Variants in THSD7B observed in about 807,000 individuals in gnomAD.
THSD7B encodes thrombospondin type-1 domain-containing protein 7B.
THSD7B carries 138 observed loss-of-function variants against 213.6 expected under a neutral mutation model. That is an observed-to-expected ratio of 0.65 (90% CI 0.56 to 0.74). The LOEUF is 0.74. Ranked by LOEUF, THSD7B falls within the 30% of genes least tolerant of loss-of-function variation. The pLI, the probability that THSD7B is intolerant of heterozygous loss-of-function variation, is 0.00. For missense variants in THSD7B, 1,931 were observed against 1,991.5 expected (o/e 0.97, Z 0.58); for synonymous variants, 742 against 687.0 (o/e 1.08, Z -1.25).
intron 10 of THSD7B, among the ~76,000 whole-genome samples, chr2:137,260,533 C>T (rs868672523): frequency 3.9e-5 from 6 of 152,008 alleles, no homozygotes; most frequent in African/African-American, 9.7e-5. Context: ...GAGGTCAAGG[C>T]GGGAGGATTC....
intron 15 of THSD7B, among the ~76,000 whole-genome samples, chr2:137,460,000 G>C (rs1281569885): frequency 6.6e-6 from 1 of 152,152 alleles, no homozygotes; most frequent in East Asian, 1.9e-4. Context: ...AGTCAGCCAT[G>C]GAAAAACTTT....
At chr2:137,314,113 G>A (rs1305026740) in intron 12 of THSD7B, among the ~76,000 whole-genome samples, 4 of 152,092 alleles carry the variant, frequency 2.6e-5, no homozygotes, top group African/African-American at 9.7e-5. Flanking sequence ...TTCCAACTTG[G>A]TTCCATTCTC....
At chr2:137,401,791 C>T (rs1686371487) in intron 12 of THSD7B, among the ~76,000 whole-genome samples, 1 of 151,996 alleles carries the variant, frequency 6.6e-6, no homozygotes, top group African/African-American at 2.4e-5. Flanking sequence ...AACCCAAATG[C>T]CTCCATTAAA....
intron 25 of THSD7B, among the ~76,000 whole-genome samples, chr2:137,660,791 A>C (rs764419311): frequency 6.6e-6 from 1 of 152,186 alleles, no homozygotes; most frequent in Non-Finnish European, 1.5e-5. Flanking sequence ...TGATATGAAG[A>C]TATCATTTTG....
chr2:137,214,665 G>A (rs181324379), intron 7 of THSD7B, among the ~76,000 whole-genome samples: 71 of 149,906 alleles, frequency 4.7e-4, no homozygotes, highest in African/African-American at 1.7e-3. Context: ...TCCCACTTAC[G>A]AGTGAGAACG....
chr2:137,071,045 C>A (rs1453832613), intron 3 of THSD7B, among the ~76,000 whole-genome samples: 1 of 152,130 alleles, frequency 6.6e-6, no homozygotes, highest in African/African-American at 2.4e-5. Flanking sequence ...GTCTTTATAG[C>A]AGCATGATTT....
chr2:137,656,114 A>G (rs1325787194), intron 22 of THSD7B, among the ~76,000 whole-genome samples: 1 of 152,168 alleles, frequency 6.6e-6, no homozygotes. Flanking sequence ...TTCCATATAA[A>G]TGTGAAGTTC....
intron 15 of THSD7B, chr2:137,538,493 A>G (rs1680548846): frequency 1.9e-6 from 1 of 517,742 alleles, no homozygotes; most frequent in African/African-American, 1.9e-5. Flanking sequence ...ACAAAGGCTC[A>G]GGTTGGTGTT....
intron 2 of THSD7B, among the ~76,000 whole-genome samples, chr2:136,993,226 T>C (rs1685820622): frequency 6.6e-6 from 1 of 152,232 alleles, no homozygotes; most frequent in Non-Finnish European, 1.5e-5. Flanking sequence ...ATTGTCATCA[T>C]TAATGTCACA....
chr2:136,898,199 C>T (rs1025935316), intron 2 of THSD7B, among the ~76,000 whole-genome samples: 1 of 152,226 alleles, frequency 6.6e-6, no homozygotes, highest in Non-Finnish European at 1.5e-5. Flanking sequence ...TAGAATGTCT[C>T]ATCTCTTTAA....
intron 7 of THSD7B, 67 bp from the exon 8 acceptor site, chr2:137,230,973 GAAGT>G: frequency 7.0e-7 from 1 of 1,425,878 alleles, no homozygotes; most frequent in African/African-American, 1.4e-5. Context: ...ACTTTAAACT[GAAGT>G]AATAGATAAA....
chr2:137,583,588 A>T (rs983694090), intron 17 of THSD7B, among the ~76,000 whole-genome samples: 65 of 152,220 alleles, frequency 4.3e-4, no homozygotes, highest in Middle Eastern at 3.2e-3. Context: ...CCATTTATTA[A>T]ATAGGGAATC....
intron 12 of THSD7B, among the ~76,000 whole-genome samples, chr2:137,309,499 T>C (rs974302636): frequency 1.5e-4 from 19 of 129,582 alleles, no homozygotes; most frequent in Non-Finnish European, 1.3e-4. Flanking sequence ...TATATATAAT[T>C]TTATTTATTT....
intron 2 of THSD7B, among the ~76,000 whole-genome samples, chr2:137,028,621 G>A (rs1355443889): frequency 6.6e-6 from 1 of 152,188 alleles, no homozygotes; most frequent in Non-Finnish European, 1.5e-5. Context: ...ACAGAGATAG[G>A]TAATAGTCTA....
At chr2:137,481,311 G>A (rs1688301679) in intron 15 of THSD7B, among the ~76,000 whole-genome samples, 1 of 152,184 alleles carries the variant, frequency 6.6e-6, no homozygotes, top group African/African-American at 2.4e-5. Flanking sequence ...TTTATAACAT[G>A]ACTTTTGCAG....
intron 2 of THSD7B, among the ~76,000 whole-genome samples, chr2:136,972,187 C>T (rs758751957): frequency 1.7e-4 from 26 of 152,190 alleles, no homozygotes; most frequent in Non-Finnish European, 3.4e-4. Flanking sequence ...GGGTAGGCAT[C>T]CAACATTATC....
chr2:137,303,220 A>T (rs1471137210), intron 12 of THSD7B, among the ~76,000 whole-genome samples: 4 of 152,006 alleles, frequency 2.6e-5, no homozygotes, highest in Non-Finnish European at 5.9e-5. Flanking sequence ...ACATAATCTC[A>T]CTTTGTTGCC....
chr2:137,005,033 A>C (rs1272352374), intron 2 of THSD7B, among the ~76,000 whole-genome samples: 1 of 152,216 alleles, frequency 6.6e-6, no homozygotes, highest in Non-Finnish European at 1.5e-5. Context: ...TAAAACAAAC[A>C]TAGTCTTATT....
At chr2:137,473,496 A>T (rs1688133046) in intron 15 of THSD7B, among the ~76,000 whole-genome samples, 1 of 152,188 alleles carries the variant, frequency 6.6e-6, no homozygotes, top group African/African-American at 2.4e-5. Context: ...AGTGAAAATG[A>T]TGTTCCATTA....
Sources: gnomAD v4.1 joint callset for allele counts (sites outside exome capture counted in the v4.1 genomes callset) on GRCh38, gnomAD v4.1.1 for gene constraint, MANE v1.5 for transcripts, NCBI Gene and HGNC (gene_info 2026-07-23, HGNC 2026-07-21) for gene names.